Variants in DHX8 observed in about 807,000 individuals in gnomAD.
The protein encoded by DHX8 is DEAH-box helicase 8.
Under a neutral mutation model 140.7 loss-of-function variants are expected in DHX8, and 67 were observed. That is an observed-to-expected ratio of 0.48 (90% CI 0.39 to 0.58). The LOEUF is 0.58. DHX8 is among the 20% of genes least tolerant of loss of function. DHX8 has a pLI of 0.00. For missense variants in DHX8, 887 were observed against 1,550.7 expected, an observed-to-expected ratio of 0.57 and a Z score of 7.19; for synonymous variants, 533 against 553.2, an observed-to-expected ratio of 0.96 and a Z score of 0.51.
At position 43,492,821 on chromosome 17, in the gene DHX8, G is replaced by A; in HGVS notation, c.644G>A (p.Arg215Lys). The change falls in exon 6 of 23, where the codon AGG (arginine) becomes AAG (lysine). Residue 215 changes from arginine to lysine, a missense_variant. Coordinates refer to ENST00000262415, the MANE Select transcript of DHX8 (RefSeq NM_004941.3). ...RSRSRSRTRE[R>K]NKVKSRYRSR... is the part of the protein sequence containing the mutation. ...CGATCACGTTCCAGGACCCGGGAGA[G>A]GAATAAAGTGAAGTCTAGATATCGG... The A allele has an allele frequency of 6.2e-7, 1 of 1,614,162 alleles. No individual in the cohort carries two copies. Among genetic ancestry groups the A allele is most frequent in the Non-Finnish European group, 8.5e-7 (1 of 1,180,046 alleles).
intron 3 of DHX8, among the ~76,000 whole-genome samples, chr17:43,536,797 ACAAG>A (rs1971266693): frequency 6.6e-6 from 1 of 152,264 alleles, no homozygotes; most frequent in Non-Finnish European, 1.5e-5. Context: ...CACGGGTTGG[ACAAG>A]CTTGCTTGAG....
intron 3 of DHX8, among the ~76,000 whole-genome samples, chr17:43,537,183 T>C (rs943959528): frequency 2.8e-5 from 4 of 145,024 alleles, no homozygotes; most frequent in African/African-American, 1.0e-4. Flanking sequence ...CTGGCCAACA[T>C]GACGAAACCC....
Position 43,524,547 on chromosome 17 carries a change from G to A in DHX8, c.*700G>A, listed in dbSNP as rs1201397493. 7 of 986,258 alleles carry A rather than the reference G, an allele frequency of 7.1e-6. No homozygotes were observed. The highest frequency in any genetic ancestry group is 4.7e-5 in the South Asian group (1 of 21,308). 61.1% of individuals were successfully genotyped at this position (986,258 alleles called of 1,614,324 possible). A position where few individuals can be genotyped will look rare whatever the true frequency, so the allele number is the denominator to read the frequency against. The stretch of plus-strand genomic sequence containing the variant: ...GCCGGGCCGTGCTGGGGGATCACCC[G>A]ATGATCAACCATGTCCTCTCCACAG... On this transcript the variant is annotated 3_prime_UTR_variant, in exon 23 of 23. Coordinates refer to ENST00000262415, the MANE Select transcript of DHX8 (RefSeq NM_004941.3).
At chr17:43,535,910 A>G (rs187526987) in intron 2 of DHX8, among the ~76,000 whole-genome samples, 42 of 152,332 alleles carry the variant, frequency 2.8e-4, no homozygotes, top group African/African-American at 7.9e-4. Context: ...CAGGAATTCG[A>G]GACCATCCTG....
downstream of DHX8, chr17:43,528,616 G>A (rs1246028135): frequency 1.9e-6 from 3 of 1,614,032 alleles, no homozygotes; most frequent in Non-Finnish European, 2.5e-6. Context: ...CAAAGGGACT[G>A]TGTCCTCCTC....
rs1598143057 is a variant in DHX8 at position 43,501,255 on chromosome 17, A to C, written c.1546+1152A>C. 7.2e-5 allele frequency among the ~76,000 whole-genome samples: 11 copies of C among 152,168 alleles called. 2 individuals carry two copies. The highest frequency in any genetic ancestry group is 6.5e-4 in the Admixed American group (10 of 15,274). On this transcript the variant is annotated intron_variant, in intron 11 of 22. Transcript: ENST00000262415. ...AAATTGGACTCAGTCTGTCAAGTGG[A>C]GATGGGATGGAGGTTGGGGAGTATG...
intron 11 of DHX8, among the ~76,000 whole-genome samples, chr17:43,501,161 TGAA>T (rs1407521313): frequency 3.9e-5 from 6 of 152,194 alleles, no homozygotes; most frequent in African/African-American, 1.4e-4. Context: ...CAGTGCCATG[TGAA>T]GAAGTACAGG....
intron 9 of DHX8, among the ~76,000 whole-genome samples, chr17:43,497,875 C>T (rs1414320943): frequency 6.6e-6 from 1 of 152,042 alleles, no homozygotes; most frequent in East Asian, 1.9e-4. Flanking sequence ...AAGCAAGTTC[C>T]GCTTGGTGTT....
intron 13 of DHX8, 150 bp downstream of exon 13, chr17:43,507,347 G>T: frequency 8.9e-7 from 1 of 1,124,548 alleles, no homozygotes; most frequent in Non-Finnish European, 1.3e-6. Context: ...TCTGTTCAGA[G>T]TATAGTCTAA....
intron 6 of DHX8, 40 bp downstream of exon 6, chr17:43,493,080 A>G (rs748413310): frequency 8.2e-6 from 13 of 1,577,712 alleles, no homozygotes; most frequent in Non-Finnish European, 1.0e-5. Context: ...AGTGATGGGC[A>G]GAATTTCTTT....
chr17:43,541,131 A>C (rs1351697202), intron 3 of DHX8, among the ~76,000 whole-genome samples: 2 of 152,096 alleles, frequency 1.3e-5, no homozygotes, highest in Non-Finnish European at 2.9e-5. Context: ...AGGTGGTGCC[A>C]TCCTCTTCCC....
Position 43,492,830 on chromosome 17 carries a change from T to G in DHX8, c.653T>G (p.Val218Gly), listed in dbSNP as rs1411826856. Reference sequence around the variant, plus strand: ...TCCAGGACCCGGGAGAGGAATAAAGTGAAGTCTAGATATCGGTCCAGGAGC... The same window carrying G: ...TCCAGGACCCGGGAGAGGAATAAAGGGAAGTCTAGATATCGGTCCAGGAGC... ...SRSRTRERNKVKSRYRSRSRS... is the reference protein window; with the variant it reads ...SRSRTRERNKGKSRYRSRSRS... The change falls in exon 6 of 23, where the codon GTG becomes GGG. Residue 218 changes from valine to glycine, a missense_variant. Physicochemically the swap from Val to Gly is moderately radical, Grantham distance 109. This residue lies in a region of DHX8 where 304 missense variants were observed against 306.9 expected (regional missense o/e 0.99). Coordinates refer to ENST00000262415, the MANE Select transcript of DHX8 (RefSeq NM_004941.3). The G allele has an allele frequency of 1.9e-6, 3 of 1,613,650 alleles. No homozygotes were observed. Among genetic ancestry groups the G allele is most frequent in the Non-Finnish European group, 2.5e-6 (3 of 1,179,956 alleles).
intron 1 of DHX8, among the ~76,000 whole-genome samples, chr17:43,486,251 A>T (rs1598110941): frequency 6.6e-6 from 1 of 150,622 alleles, no homozygotes; most frequent in East Asian, 1.9e-4. Flanking sequence ...TCTTTTGTTG[A>T]AACTAAATTG....
rs1359023439 is a variant in DHX8 at position 43,492,700 on chromosome 17, A to C, written c.523A>C (p.Lys175Gln). The C allele has an allele frequency of 3.8e-6, 6 of 1,574,832 alleles. No individual in the cohort carries two copies. Among genetic ancestry groups the C allele is most frequent in the Admixed American group, 1.7e-5 (1 of 59,988 alleles). Residue 175 changes from lysine (K) to glutamine (Q), a missense_variant, in exon 6 of 23, where the codon AAG becomes CAG. Transcript: ENST00000262415. ...TGTTAGGGACAGGACAAAGAAGAAG[A>C]AGCGGAGTCGAAGCCGAGATCGAAA... ...AEHRDRTKKK[K>Q]RSRSRDRNRD...
chr17:43,519,072 G>GC (rs1252296754), intron 18 of DHX8: 1 of 152,196 alleles, frequency 6.6e-6, no homozygotes, highest in Non-Finnish European at 1.5e-5. Context: ...ACATTAGTGT[G>GC]CAGGTATCTG....
At chr17:43,543,320 C>T (rs1014666323) in intron 3 of DHX8, among the ~76,000 whole-genome samples, 28 of 130,224 alleles carry the variant, frequency 2.2e-4, no homozygotes, top group Non-Finnish European at 3.5e-4. Flanking sequence ...GCTGTCACAC[C>T]GACACTGACA....
chr17:43,483,994 T>C lies in DHX8; in HGVS notation c.-44T>C, dbSNP rs1967955020. 2 of 1,611,180 alleles carry C rather than the reference T, an allele frequency of 1.2e-6. No homozygotes were observed. Among genetic ancestry groups the C allele is most frequent in the African/African-American group, 2.7e-5 (2 of 74,828 alleles). On this transcript the variant is annotated 5_prime_UTR_variant, in exon 1 of 23. Coordinates refer to ENST00000262415, the MANE Select transcript of DHX8 (RefSeq NM_004941.3). ...AGCTGGAACCCGGCCGGAGTAGCTC[T>C]GAGCGCCGGCTGTGAGGAAGGAGGT...
chr17:43,512,297 G>A (rs1284719229), intron 16 of DHX8, among the ~76,000 whole-genome samples: 1 of 150,348 alleles, frequency 6.7e-6, no homozygotes, highest in Non-Finnish European at 1.5e-5. Context: ...TGAGGCAGGA[G>A]AATCGCTTGA....
chr17:43,518,452 T>C (rs1482488124), intron 18 of DHX8: 1 of 152,200 alleles, frequency 6.6e-6, no homozygotes, highest in Non-Finnish European at 1.5e-5. Flanking sequence ...GTGTGAACTC[T>C]CTGAAAGCAG....
Sources: allele counts gnomAD v4.1 joint callset (sites outside exome capture counted in the v4.1 genomes callset), GRCh38; gene constraint gnomAD v4.1.1; regional missense constraint gnomAD v4.1.1; transcripts MANE v1.5; gene names NCBI Gene and HGNC (gene_info 2026-07-23, HGNC 2026-07-21).